The following KAZN variants were observed in gnomAD, a reference collection of about 807,000 sequenced individuals.
KAZN encodes kazrin, periplakin interacting protein, also known as kazrin.
In KAZN, 40 loss-of-function variants were observed where a neutral mutation model predicts 87.4. The observed-to-expected ratio is 0.46, with a 90% CI of 0.36 to 0.60. The LOEUF is 0.60. KAZN is among the 20% of genes least tolerant of loss of function. The probability of loss-of-function intolerance (pLI) is 0.00; values close to 1 mark genes in which losing one functional copy is unlikely to be tolerated. For missense variants in KAZN, 898 were observed against 1,073.9 expected (o/e 0.84, Z 2.29); for synonymous variants, 466 against 458.3 (o/e 1.02, Z -0.22).
intron 1 of KAZN, among the ~76,000 whole-genome samples, chr1:14,081,867 C>T (rs1643685875): frequency 6.6e-6 from 1 of 152,156 alleles, no homozygotes; most frequent in Non-Finnish European, 1.5e-5. Context: ...ATCTTCTGGG[C>T]TTGATTGATC....
chr1:14,061,512 A>G (rs1642793437), intron 1 of KAZN, among the ~76,000 whole-genome samples: 1 of 152,204 alleles, frequency 6.6e-6, no homozygotes, highest in Admixed American at 6.5e-5. Context: ...CTAGAACAAT[A>G]TGTGGGAAAA....
At chr1:14,159,348 C>T (rs1265784031) in intron 1 of KAZN, among the ~76,000 whole-genome samples, 1 of 152,198 alleles carries the variant, frequency 6.6e-6, no homozygotes, top group Non-Finnish European at 1.5e-5. Flanking sequence ...TCTTCTCTCC[C>T]CTTTCCAAGG....
chr1:14,289,097 TC>T (rs1653480838), intron 2 of KAZN, among the ~76,000 whole-genome samples: 2 of 152,202 alleles, frequency 1.3e-5, no homozygotes, highest in South Asian at 4.1e-4. Flanking sequence ...GTGCTTTACT[TC>T]CAACTATGTG....
chr1:13,948,474 C>T (rs1220014803), intron 1 of KAZN, among the ~76,000 whole-genome samples: 1 of 152,130 alleles, frequency 6.6e-6, no homozygotes, highest in Non-Finnish European at 1.5e-5. Flanking sequence ...TGAGGCCTCC[C>T]CAGCCATGAA....
intron 2 of KAZN, among the ~76,000 whole-genome samples, chr1:14,475,253 T>C (rs1668657206): frequency 1.3e-5 from 2 of 152,258 alleles, no homozygotes; most frequent in South Asian, 2.1e-4. Context: ...TCCAGACCAA[T>C]CTCCTTTTGA....
At chr1:15,027,434 C>T (rs533423796) in intron 2 of KAZN, among the ~76,000 whole-genome samples, 1 of 152,210 alleles carries the variant, frequency 6.6e-6, no homozygotes, top group African/African-American at 2.4e-5. Context: ...GAGACCTCAG[C>T]TGACTCTCTG....
chr1:14,641,326 T>C (rs1680391947), intron 1 of KAZN, among the ~76,000 whole-genome samples: 1 of 152,160 alleles, frequency 6.6e-6, no homozygotes, highest in African/African-American at 2.4e-5. Flanking sequence ...ATGAGTTTCA[T>C]GAGATATCCC....
intron 2 of KAZN, among the ~76,000 whole-genome samples, chr1:14,416,911 G>A (rs1422753411): frequency 1.1e-4 from 17 of 151,504 alleles, no homozygotes; most frequent in Non-Finnish European, 2.4e-4. Context: ...GCAACATAAC[G>A]AAACCCTATT....
At chr1:14,447,846 C>T (rs1310762660) in intron 2 of KAZN, among the ~76,000 whole-genome samples, 1 of 152,090 alleles carries the variant, frequency 6.6e-6, no homozygotes, top group Non-Finnish European at 1.5e-5. Flanking sequence ...AAGAAAGAAG[C>T]TAAAAGAAGT....
intron 2 of KAZN, among the ~76,000 whole-genome samples, chr1:14,999,575 T>C (rs1210362123): frequency 6.7e-6 from 1 of 150,308 alleles, no homozygotes; most frequent in African/African-American, 2.5e-5. Flanking sequence ...CTTTGGCTGC[T>C]ACCTCGGAGG....
chr1:14,945,019 C>CA lies in KAZN; in HGVS notation c.227-15664dup, dbSNP rs545100971. Reference sequence around the variant, plus strand: ...TCCTGGGACAAAGTACCGCAGGGGACAGCACCAGGCTGCACGGAGGCTCAT... The same window carrying CA: ...TCCTGGGACAAAGTACCGCAGGGGACAAGCACCAGGCTGCACGGAGGCTCAT... On this transcript the variant is annotated intron_variant, in intron 1 of 14. Transcript: ENST00000376030. Among the ~76,000 whole-genome samples, 346 of 152,338 alleles carry CA rather than the reference C, an allele frequency of 2.3e-3. 1 individual carries two copies. The highest frequency in any genetic ancestry group is 3.9e-3 in the Non-Finnish European group (267 of 68,032).
chr1:14,387,095 T>C (rs1372581975), intron 2 of KAZN, among the ~76,000 whole-genome samples: 1 of 152,236 alleles, frequency 6.6e-6, no homozygotes, highest in East Asian at 1.9e-4. Context: ...TTTCTTCCAG[T>C]TGATCGCATC....
At chr1:14,640,450 G>A (rs1478263079) in intron 1 of KAZN, among the ~76,000 whole-genome samples, 1 of 152,164 alleles carries the variant, frequency 6.6e-6, no homozygotes, top group Non-Finnish European at 1.5e-5. Flanking sequence ...TGGGTATTCA[G>A]GTCCCTAACT....
At chr1:14,202,250 C>G (rs1056230042) in intron 2 of KAZN, among the ~76,000 whole-genome samples, 1 of 152,210 alleles carries the variant, frequency 6.6e-6, no homozygotes, top group African/African-American at 2.4e-5. Flanking sequence ...TCTTCCTTGT[C>G]TGGGGTAGAA....
intron 1 of KAZN, among the ~76,000 whole-genome samples, chr1:14,785,280 C>G (rs1645475316): frequency 6.6e-6 from 1 of 152,188 alleles, no homozygotes; most frequent in African/African-American, 2.4e-5. Context: ...CTTTCCCAAC[C>G]TTCCCTTGGG....
At chr1:14,370,816 T>C (rs1321359191) in intron 2 of KAZN, among the ~76,000 whole-genome samples, 1 of 152,158 alleles carries the variant, frequency 6.6e-6, no homozygotes, top group Non-Finnish European at 1.5e-5. Flanking sequence ...TTCTGAGTAG[T>C]TGGGACTACG....
At chr1:14,516,469 G>A (rs756587213) in intron 2 of KAZN, among the ~76,000 whole-genome samples, 2 of 152,244 alleles carry the variant, frequency 1.3e-5, no homozygotes, top group African/African-American at 2.4e-5. Flanking sequence ...GATTGGCTCA[G>A]AGATGAGCAC....
At chr1:13,917,519 G>A in intron 1 of KAZN, among the ~76,000 whole-genome samples, 1 of 152,152 alleles carries the variant, frequency 6.6e-6, no homozygotes, top group Non-Finnish European at 1.5e-5. Context: ...AATACGGCTG[G>A]GTGTGGTGTC....
intron 2 of KAZN, among the ~76,000 whole-genome samples, chr1:14,297,263 C>T (rs959197039): frequency 1.3e-5 from 2 of 152,118 alleles, no homozygotes; most frequent in Non-Finnish European, 1.5e-5. Flanking sequence ...AAGATAAGTG[C>T]CGTGTTTTTA....
Sources: gnomAD v4.1 joint callset for allele counts (sites outside exome capture counted in the v4.1 genomes callset) on GRCh38, gnomAD v4.1.1 for gene constraint, MANE v1.5 for transcripts, NCBI Gene and HGNC (gene_info 2026-07-23, HGNC 2026-07-21) for gene names.